ROCK2: variants seen among roughly 807,000 people sequenced by gnomAD.
ROCK2 encodes the protein rho-associated protein kinase 2.
ROCK2 carries 61 observed loss-of-function variants against 195.1 expected under a neutral mutation model. The ratio of observed to expected loss-of-function variants is 0.31; its 90% confidence interval spans 0.25 to 0.39. The LOEUF (loss-of-function observed/expected upper bound fraction) is 0.39. Among genes scored for constraint, ROCK2 ranks in the 10% least tolerant of loss-of-function variants. The pLI, the probability that ROCK2 is intolerant of heterozygous loss-of-function variation, is 1.00. For missense variants in ROCK2, 1,109 were observed against 1,637.4 expected (o/e 0.68, Z 5.57); for synonymous variants, 504 against 545.5 (o/e 0.92, Z 1.06).
chr2:11,255,024 T>C (rs2148135561), intron 3 of ROCK2, among the ~76,000 whole-genome samples: 1 of 152,042 alleles, frequency 6.6e-6, no homozygotes, highest in African/African-American at 2.4e-5. Flanking sequence ...GAGACCATCC[T>C]GGCTAACACG....
intron 17 of ROCK2, 52 bp from the exon 18 acceptor site, chr2:11,211,892 T>C: frequency 7.2e-7 from 1 of 1,397,262 alleles, no homozygotes; most frequent in Non-Finnish European, 9.6e-7. Flanking sequence ...TAGCTCACAA[T>C]TTCAAAAGCT....
At chr2:11,302,081 C>T (rs1667724864) in intron 1 of ROCK2, among the ~76,000 whole-genome samples, 1 of 152,162 alleles carries the variant, frequency 6.6e-6, no homozygotes. Flanking sequence ...GCTGGGATTA[C>T]AGGCGTGAGC....
At chr2:11,281,208 TAAAAA>T (rs1173116040) in intron 3 of ROCK2, among the ~76,000 whole-genome samples, 4 of 100,584 alleles carry the variant, frequency 4.0e-5, no homozygotes, top group Non-Finnish European at 6.0e-5. Context: ...ACTCATTATT[TAAAAA>T]AAAAAAAAAA....
At chr2:11,307,693 A>C (rs889547017) in intron 1 of ROCK2, among the ~76,000 whole-genome samples, 1 of 152,198 alleles carries the variant, frequency 6.6e-6, no homozygotes, top group African/African-American at 2.4e-5. Flanking sequence ...AAACATACCA[A>C]AAAGACTGTA....
intron 30 of ROCK2, among the ~76,000 whole-genome samples, chr2:11,193,028 G>GT (rs1174340271): frequency 6.6e-6 from 1 of 152,156 alleles, no homozygotes; most frequent in Admixed American, 6.5e-5. Context: ...CTTCATAGGT[G>GT]TTAGGAAGTT....
chr2:11,291,537 C>A (rs1054494032), intron 1 of ROCK2, among the ~76,000 whole-genome samples: 1 of 138,570 alleles, frequency 7.2e-6, no homozygotes, highest in Non-Finnish European at 1.6e-5. Flanking sequence ...AGCGACAGAC[C>A]AAGACTCTGT....
chr2:11,308,914 T>C, intron 1 of ROCK2: 1 of 1,611,984 alleles, frequency 6.2e-7, no homozygotes, highest in South Asian at 1.1e-5. Context: ...TTTATCTTCA[T>C]CTACATCAAA....
At chr2:11,188,797 G>A (rs998542519) in intron 32 of ROCK2, among the ~76,000 whole-genome samples, 3 of 151,058 alleles carry the variant, frequency 2.0e-5, no homozygotes, top group African/African-American at 7.3e-5. Context: ...CTAATTTTTT[G>A]TATTTTTTAG....
chr2:11,291,507 C>T (rs539365856), intron 1 of ROCK2, among the ~76,000 whole-genome samples: 2 of 151,918 alleles, frequency 1.3e-5, no homozygotes, highest in Admixed American at 6.6e-5. Context: ...CGGAGGATCG[C>T]GCCACTGCAC....
intron 32 of ROCK2, among the ~76,000 whole-genome samples, chr2:11,191,413 A>G (rs980988560): frequency 1.3e-5 from 2 of 152,094 alleles, no homozygotes; most frequent in African/African-American, 4.8e-5. Flanking sequence ...TAACCACTTT[A>G]CCCATTAGCT....
chr2:11,318,538 T>TA (rs1668299551), intron 1 of ROCK2, among the ~76,000 whole-genome samples: 1 of 152,224 alleles, frequency 6.6e-6, no homozygotes, highest in Non-Finnish European at 1.5e-5. Flanking sequence ...GCAAAAATTT[T>TA]CTCCCATTCT....
rs76181216 is a variant in ROCK2, at chr2:11,185,077, C to G, written c.4164-1637G>C. The stretch of plus-strand genomic sequence containing the variant: ...TACCCCAGATAAACACATAACCATC[C>G]TGATGCCCAGTTTGATTTGAGAATT... On this transcript the variant is annotated intron_variant, in intron 32 of 32. Transcript: ENST00000315872. 5.9e-3 allele frequency among the ~76,000 whole-genome samples: 898 copies of G among 152,276 alleles called. 2 individuals are homozygous for G. The highest frequency in any genetic ancestry group is 0.021 in the African/African-American group (869 of 41,544).
chr2:11,275,860 C>T (rs1477298308), intron 3 of ROCK2, among the ~76,000 whole-genome samples: 3 of 152,154 alleles, frequency 2.0e-5, no homozygotes, highest in South Asian at 2.1e-4. Context: ...CCACCACACT[C>T]GGCTAATTTT....
intron 18 of ROCK2, among the ~76,000 whole-genome samples, chr2:11,210,719 T>C (rs759792014): frequency 6.6e-6 from 1 of 152,212 alleles, no homozygotes; most frequent in Non-Finnish European, 1.5e-5. Flanking sequence ...CATTTTATTA[T>C]TGCATGTAAA....
chr2:11,343,390 C>G (rs1669170130), intron 1 of ROCK2, among the ~76,000 whole-genome samples: 1 of 152,156 alleles, frequency 6.6e-6, no homozygotes, highest in Non-Finnish European at 1.5e-5. Context: ...CTCCACAATT[C>G]AGACTGATTT....
At chr2:11,323,583 CAGAAG>C (rs926314707) in intron 1 of ROCK2, among the ~76,000 whole-genome samples, 13 of 152,162 alleles carry the variant, frequency 8.5e-5, no homozygotes, top group African/African-American at 4.8e-5. Context: ...CTATACTACC[CAGAAG>C]AGGTCATAAT....
At chr2:11,286,437 G>T (rs761491067) in intron 3 of ROCK2, 102 bp downstream of exon 3, 5 of 719,346 alleles carry the variant, frequency 7.0e-6, no homozygotes, top group Non-Finnish European at 1.2e-5. Flanking sequence ...GCCACCTTCT[G>T]GCATGGGTGG....
At chr2:11,219,073 C>T in intron 9 of ROCK2, 47 bp from the exon 10 acceptor site, 1 of 1,051,316 alleles carries the variant, frequency 9.5e-7, no homozygotes. Flanking sequence ...TCATTTTAAT[C>T]TATGTGCTGT....
chr2:11,303,009 C>T (rs1667752643), intron 1 of ROCK2, among the ~76,000 whole-genome samples: 1 of 152,134 alleles, frequency 6.6e-6, no homozygotes, highest in Non-Finnish European at 1.5e-5. Flanking sequence ...CACCACAGAA[C>T]ATTCAACACT....
Sources: gnomAD v4.1 joint callset for allele counts (sites outside exome capture counted in the v4.1 genomes callset) on GRCh38, gnomAD v4.1.1 for gene constraint, MANE v1.5 for transcripts, NCBI Gene and HGNC (gene_info 2026-07-23, HGNC 2026-07-21) for gene names.